Variants in DIP2C observed in about 807,000 individuals in gnomAD.
DIP2C encodes the protein disco-interacting protein 2 homolog C.
In DIP2C, 33 loss-of-function variants were observed where a neutral mutation model predicts 192.4. The ratio of observed to expected loss-of-function variants is 0.17; its 90% CI spans 0.13 to 0.23. The LOEUF is 0.23. DIP2C is among the 10% of genes least tolerant of loss of function. The pLI is 1.00. For synonymous variants in DIP2C, 979 were observed against 864.1 expected, an observed-to-expected ratio of 1.13 and a Z score of -2.33; for missense variants, 1,537 against 2,110.1, an observed-to-expected ratio of 0.73 and a Z score of 5.32.
At chr10:297,860 G>A (rs752279590) in intron 32 of DIP2C, among the ~76,000 whole-genome samples, 14 of 152,162 alleles carry the variant, frequency 9.2e-5, no homozygotes, top group Non-Finnish European at 1.6e-4. Flanking sequence ...ATCCCGATCT[G>A]CTAACTACAT....
chr10:476,005 G>A (rs141383319), intron 2 of DIP2C, among the ~76,000 whole-genome samples: 45 of 152,332 alleles, frequency 3.0e-4, no homozygotes, highest in African/African-American at 1.0e-3. Flanking sequence ...GAGGGCTCAC[G>A]TTCACAGTCA....
chr10:281,130 C>A, intron 36 of DIP2C, 70 bp downstream of exon 36: 1 of 1,589,576 alleles, frequency 6.3e-7, no homozygotes, highest in African/African-American at 1.3e-5. Context: ...CACCGCCGTG[C>A]TCTCCACATT....
chr10:336,921 T>TGTGTGTGTG (rs59758615), intron 29 of DIP2C, among the ~76,000 whole-genome samples: 2 of 50,010 alleles, frequency 4.0e-5, no homozygotes, highest in African/African-American at 5.0e-5. Flanking sequence ...TGTGTGTGTG[T>TGTGTGTGTG]TGTGGAGGCC....
At chr10:617,925 T>G (rs953416141) in intron 1 of DIP2C, among the ~76,000 whole-genome samples, 2 of 152,046 alleles carry the variant, frequency 1.3e-5, no homozygotes, top group Non-Finnish European at 2.9e-5. Flanking sequence ...CCACTTTGAC[T>G]TCCCTGCACT....
At chr10:620,764 T>G (rs1853803236) in intron 1 of DIP2C, among the ~76,000 whole-genome samples, 1 of 152,188 alleles carries the variant, frequency 6.6e-6, no homozygotes, top group Admixed American at 6.5e-5. Flanking sequence ...GGTTGCTACT[T>G]TGGACTGAAA....
intron 1 of DIP2C, among the ~76,000 whole-genome samples, chr10:535,071 C>T (rs373189366): frequency 5.9e-5 from 9 of 152,090 alleles, no homozygotes; most frequent in Admixed American, 3.9e-4. Flanking sequence ...GAACTGACCC[C>T]TCTCTCCCTG....
At chr10:565,354 T>TAAAAAAAAAAAAAAAAAAAAAAA (rs59721670) in intron 1 of DIP2C, among the ~76,000 whole-genome samples, 20 of 114,098 alleles carry the variant, frequency 1.8e-4, no homozygotes, top group African/African-American at 6.0e-4. Flanking sequence ...ACCTGCATTC[T>TAAAAAAAAAAAAAAAAAAAAAAA]AAAAAAAAAA....
intron 1 of DIP2C, among the ~76,000 whole-genome samples, chr10:546,141 G>T: frequency 6.6e-6 from 1 of 152,014 alleles, no homozygotes; most frequent in Non-Finnish European, 1.5e-5. Context: ...AATTATCCGG[G>T]CTTGGTGGTG....
intron 1 of DIP2C, among the ~76,000 whole-genome samples, chr10:522,460 G>A (rs927962366): frequency 2.0e-5 from 3 of 152,216 alleles, no homozygotes; most frequent in Admixed American, 6.5e-5. Flanking sequence ...TCCTGTGGTC[G>A]GAGTGCTTAG....
intron 1 of DIP2C, among the ~76,000 whole-genome samples, chr10:640,117 G>A (rs951931276): frequency 2.0e-5 from 3 of 152,192 alleles, no homozygotes; most frequent in African/African-American, 4.8e-5. Context: ...CGCCACGCCT[G>A]TGGGCCTGTG....
At chr10:477,829 G>A (rs917296178) in intron 2 of DIP2C, among the ~76,000 whole-genome samples, 7 of 136,150 alleles carry the variant, frequency 5.1e-5, no homozygotes, top group South Asian at 5.2e-4. Context: ...AAGAGAGAAG[G>A]AGAAGGGAGA....
intron 1 of DIP2C, among the ~76,000 whole-genome samples, chr10:634,972 A>G (rs920472993): frequency 1.3e-5 from 2 of 152,148 alleles, no homozygotes; most frequent in Non-Finnish European, 2.9e-5. Context: ...ATAACCACGA[A>G]CAAGCAAGAT....
At chr10:299,641 A>C (rs1018751989) in intron 32 of DIP2C, among the ~76,000 whole-genome samples, 18 of 152,232 alleles carry the variant, frequency 1.2e-4, no homozygotes, top group Non-Finnish European at 2.1e-4. Context: ...TAAACTGGAC[A>C]TCAAAATTAA....
At chr10:350,056 C>T (rs1958716844) in intron 24 of DIP2C, among the ~76,000 whole-genome samples, 1 of 152,132 alleles carries the variant, frequency 6.6e-6, no homozygotes, top group East Asian at 1.9e-4. Context: ...AGGTGAGTTG[C>T]AAGATATATA....
At position 552,294 on chromosome 10, in the gene DIP2C, T is replaced by TA. The variant is rs1848632861; in HGVS notation, c.86-65765dup. Among the ~76,000 whole-genome samples the TA allele has an allele frequency of 2.6e-5, 4 of 152,226 alleles. No individual in the cohort carries two copies. The South Asian group carries it at 8.3e-4, about 32-fold the overall frequency. On this transcript the variant is annotated intron_variant, in intron 1 of 36. Transcript: ENST00000280886. ...TATCAAGATACAGCAGAGATGTAGCTAAAATGTTAATAGGGTCTATGCAGA... is the reference window on the plus strand; with the variant it reads ...TATCAAGATACAGCAGAGATGTAGCTAAAAATGTTAATAGGGTCTATGCAGA...
chr10:470,996 GCAGGTGCCTCCACACTCCTGAACTCGA>G (rs1362287415), intron 3 of DIP2C, among the ~76,000 whole-genome samples: 2 of 152,150 alleles, frequency 1.3e-5, no homozygotes, highest in Non-Finnish European at 2.9e-5. Context: ...CTGACAGTAC[GCAGGTGCCTCCACACTCCTGAACTCGA>G]CAGGGGCCTC....
Position 368,441 on chromosome 10 carries a change from G to A in DIP2C, c.2131+1053C>T, listed in dbSNP as rs1023079295. On this transcript the variant is annotated intron_variant, in intron 18 of 36. Transcript: ENST00000280886. ...GGAGGCAGGGAGTGGGCTGGACACA[G>A]GGGCTAGAGGGCTGCAGGCAGAGGC... 3.3e-5 allele frequency among the ~76,000 whole-genome samples: 5 copies of A among 152,388 alleles called. No individual in the cohort carries two copies. In the East Asian group the frequency reaches 9.6e-4, roughly 29 times the overall value.
rs1847434692 is a variant in DIP2C, at chr10:532,542, T to TGTGAGAGAGTATGG, written c.86-46026_86-46013dup. Among the ~76,000 whole-genome samples, 37 of 134,278 alleles carry TGTGAGAGAGTATGG rather than the reference T, an allele frequency of 2.8e-4. 2 individuals are homozygous for TGTGAGAGAGTATGG. The South Asian group carries it at 8.7e-3, about 32-fold the overall frequency. The allele number at this position is 134,278 out of a possible 152,430, so 88.1% of individuals were successfully genotyped here. A position where few individuals can be genotyped will look rare whatever the true frequency, so the allele number is the denominator to read the frequency against. Reference sequence around the variant, plus strand: ...GTGTGGGTGTGTGAGAGAGTATGGGTGTGAGAGAGTATGGGTGAGAGAGAG... The same window carrying TGTGAGAGAGTATGG: ...GTGTGGGTGTGTGAGAGAGTATGGGTGTGAGAGAGTATGGGTGAGAGAGTATGGGTGAGAGAGAG... On this transcript the variant is annotated intron_variant, in intron 1 of 36. Transcript: ENST00000280886.
intron 1 of DIP2C, among the ~76,000 whole-genome samples, chr10:681,923 C>T (rs1437163158): frequency 6.6e-6 from 1 of 152,238 alleles, no homozygotes; most frequent in African/African-American, 2.4e-5. Flanking sequence ...CCGTGTATCT[C>T]CTAGGAGCAG....
Sources: allele counts gnomAD v4.1 joint callset (sites outside exome capture counted in the v4.1 genomes callset), GRCh38; gene constraint gnomAD v4.1.1; transcripts MANE v1.5; gene names NCBI Gene and HGNC (gene_info 2026-07-23, HGNC 2026-07-21).